CCDC57: variants seen among roughly 807,000 people sequenced by gnomAD.
CCDC57 encodes the protein coiled-coil domain-containing protein 57.
CCDC57 carries 118 observed loss-of-function variants against 118.9 expected under a neutral mutation model. That is an observed-to-expected ratio of 0.99 (90% CI 0.86 to 1.16). The LOEUF (loss-of-function observed/expected upper bound fraction) is 1.16. Among genes scored for constraint, CCDC57 ranks in the 50% most tolerant of loss-of-function variants. The pLI is 0.00. For missense variants in CCDC57, 1,300 were observed against 1,320.7 expected (o/e 0.98, Z 0.24); for synonymous variants, 527 against 532.9 (o/e 0.99, Z 0.15).
intron 11 of CCDC57, among the ~76,000 whole-genome samples, chr17:82,174,313 C>A (rs181830886): frequency 7.5e-4 from 115 of 152,392 alleles, no homozygotes; most frequent in Non-Finnish European, 1.2e-3. Flanking sequence ...AGGATGCGAA[C>A]AGAACCTGCA....
exon 13 of CCDC57, chr17:82,171,730 G>T (rs1373654344): frequency 1.2e-6 from 2 of 1,613,270 alleles, no homozygotes; most frequent in East Asian, 4.5e-5. Context: ...GCGGACGCTG[G>T]GCTGAGACTC....
chr17:82,152,535 G>A (rs1375043542), intron 15 of CCDC57, among the ~76,000 whole-genome samples: 3 of 152,244 alleles, frequency 2.0e-5, no homozygotes, highest in African/African-American at 7.2e-5. Flanking sequence ...TGGACTTGCA[G>A]CCCACATCAT....
intron 16 of CCDC57, among the ~76,000 whole-genome samples, chr17:82,151,170 C>CAGAACCTGACCCACACCT (rs1337790953): frequency 2.4e-4 from 33 of 139,644 alleles, no homozygotes; most frequent in Non-Finnish European, 4.0e-4. Context: ...GGCGCACACC[C>CAGAACCTGACCCACACCT]AGAACCAGGC....
At chr17:82,211,380 AG>A (rs1465200396) in intron 1 of CCDC57, among the ~76,000 whole-genome samples, 4 of 152,216 alleles carry the variant, frequency 2.6e-5, no homozygotes, top group Non-Finnish European at 5.9e-5. Flanking sequence ...CTGCTAAGCA[AG>A]AATAAATACT....
chr17:82,137,245 T>C (rs1238827932), intron 16 of CCDC57, among the ~76,000 whole-genome samples: 1 of 152,134 alleles, frequency 6.6e-6, no homozygotes, highest in East Asian at 1.9e-4. Context: ...CTTGAACTCC[T>C]GCAAGCATCC....
At chr17:82,199,302 A>T (rs1386618744) in intron 3 of CCDC57, among the ~76,000 whole-genome samples, 1 of 151,384 alleles carries the variant, frequency 6.6e-6, no homozygotes, top group Non-Finnish European at 1.5e-5. Flanking sequence ...ACATGGTGAA[A>T]CCCCATCTCC....
chr17:82,112,144 T>C (rs1332209266), intron 19 of CCDC57: 1 of 151,920 alleles, frequency 6.6e-6, no homozygotes, highest in Admixed American at 6.6e-5. Context: ...TGACTAATTT[T>C]TGTATTTTTA....
intron 8 of CCDC57, 101 bp from the exon 8 acceptor site, chr17:82,184,033 A>ACG (rs1170834057): frequency 5.4e-4 from 94 of 172,534 alleles, no homozygotes; most frequent in African/African-American, 5.2e-3. Flanking sequence ...GCGCGCGCGC[A>ACG]CACACACACA....
chr17:82,173,521 G>A (rs1340757687), intron 11 of CCDC57, among the ~76,000 whole-genome samples: 5 of 152,088 alleles, frequency 3.3e-5, no homozygotes, highest in Admixed American at 6.5e-5. Flanking sequence ...CAGGAGACGC[G>A]TCTACAACAA....
At chr17:82,171,644 G>C (rs916126373) in intron 13 of CCDC57, 57 bp downstream of exon 12, 62 of 1,566,132 alleles carry the variant, frequency 4.0e-5, no homozygotes, top group Non-Finnish European at 1.9e-5. Flanking sequence ...ACTTTTGCAG[G>C]GGTCAGATTT....
At chr17:82,130,357 C>T (rs2145310658) in intron 17 of CCDC57, among the ~76,000 whole-genome samples, 1 of 151,762 alleles carries the variant, frequency 6.6e-6, no homozygotes, top group East Asian at 2.0e-4. Context: ...CCATGCCCGA[C>T]TAAGTTTTGT....
At chr17:82,132,633 G>A (rs1017431066) in intron 17 of CCDC57, among the ~76,000 whole-genome samples, 3 of 151,534 alleles carry the variant, frequency 2.0e-5, no homozygotes, top group African/African-American at 4.9e-5. Flanking sequence ...TTGCTCTGGC[G>A]GGTCTTGAAC....
intron 16 of CCDC57, among the ~76,000 whole-genome samples, chr17:82,138,466 G>C (rs2039562667): frequency 6.6e-6 from 1 of 151,948 alleles, no homozygotes; most frequent in Non-Finnish European, 1.5e-5. Context: ...AGGATCTCTT[G>C]AGCCAAGGAG....
At chr17:82,159,288 C>T (rs1473976912) in intron 14 of CCDC57, among the ~76,000 whole-genome samples, 1 of 152,208 alleles carries the variant, frequency 6.6e-6, no homozygotes, top group Non-Finnish European at 1.5e-5. Context: ...TGTGTACCAC[C>T]GTGCCCAGCC....
intron 9 of CCDC57, among the ~76,000 whole-genome samples, chr17:82,181,258 CCAGCACGGGGCTCCACGTGCG>C (rs1158397078): frequency 1.3e-5 from 2 of 152,256 alleles, no homozygotes; most frequent in African/African-American, 4.8e-5. Context: ...AACGAAGCAG[CCAGCACGGGGCTCCACGTGCG>C]CTGATTCCCA....
At chr17:82,114,210 C>A (rs939532114) in intron 19 of CCDC57, among the ~76,000 whole-genome samples, 1 of 152,244 alleles carries the variant, frequency 6.6e-6, no homozygotes, top group African/African-American at 2.4e-5. Context: ...GCCGGCTCCT[C>A]ACCCATCCAT....
Position 82,212,382 on chromosome 17 carries a change from CT to C in CCDC57, c.-211+402del, listed in dbSNP as rs1271277008. Reference sequence around the variant, plus strand: ...ACAGGCGCGAACCACCGCCTCCGGCCTTTTTTTTTCCTCTCTTTTTTTTTTT... The same window carrying C: ...ACAGGCGCGAACCACCGCCTCCGGCCTTTTTTTTCCTCTCTTTTTTTTTTT... On this transcript the variant is annotated intron_variant, in intron 1 of 19. Transcript: ENST00000665763. This position sits in a 1 kb window ranked among gnomAD's most constrained non-coding sequence, Gnocchi z 4.1. Among the ~76,000 whole-genome samples, 2 of 112,584 alleles carry C rather than the reference CT, an allele frequency of 1.8e-5. No individual in the cohort carries two copies. The highest frequency in any genetic ancestry group is 3.6e-5 in the Non-Finnish European group (2 of 55,232). The allele number at this position is 112,584 out of a possible 152,430, so 73.9% of individuals were successfully genotyped here.
At chr17:82,189,493 C>T (rs2047388254) in intron 7 of CCDC57, among the ~76,000 whole-genome samples, 1 of 152,058 alleles carries the variant, frequency 6.6e-6, no homozygotes, top group African/African-American at 2.4e-5. Flanking sequence ...GCAAGGCCAA[C>T]CCCAGCTGTC....
At chr17:82,130,970 CCTGG>C (rs912247228) in intron 17 of CCDC57, among the ~76,000 whole-genome samples, 13 of 151,040 alleles carry the variant, frequency 8.6e-5, no homozygotes, top group Non-Finnish European at 1.6e-4. Context: ...TGCCACCATG[CCTGG>C]CTAATTTTTT....
Sources: gnomAD v4.1 joint callset for allele counts (sites outside exome capture counted in the v4.1 genomes callset) on GRCh38, gnomAD v4.1.1 for gene constraint, Gnocchi (gnomAD v3.1) non-coding constraint, MANE v1.5 for transcripts, NCBI Gene and HGNC (gene_info 2026-07-23, HGNC 2026-07-21) for gene names.